Variants in XKR9 observed in about 807,000 individuals in gnomAD.
XKR9 encodes the protein XK related 9.
Under a neutral mutation model 32.0 loss-of-function variants are expected in XKR9, and 32 were observed. That is an observed-to-expected ratio of 1.00 (90% confidence interval 0.76 to 1.34). XKR9 has a LOEUF of 1.34. Ranked by LOEUF, XKR9 falls within the 40% of genes most tolerant of loss-of-function variation. The pLI is 0.00. For missense variants in XKR9, 546 were observed against 429.7 expected, an observed-to-expected ratio of 1.27 and a Z score of -2.39; for synonymous variants, 168 against 143.4, an observed-to-expected ratio of 1.17 and a Z score of -1.22.
chr8:70,901,340 T>A, the XKR9 span, among the ~76,000 whole-genome samples: 1 of 152,238 alleles, frequency 6.6e-6, no homozygotes, highest in East Asian at 1.9e-4. Flanking sequence ...GACTTTTTAA[T>A]GATCAGCATT....
At chr8:70,685,373 A>C (rs953067639) in intron 3 of XKR9, among the ~76,000 whole-genome samples, 3 of 141,088 alleles carry the variant, frequency 2.1e-5, no homozygotes, top group Non-Finnish European at 3.1e-5. Flanking sequence ...GAGGGATAGC[A>C]TTAGGAGATA....
chr8:70,887,730 G>A, the XKR9 span, among the ~76,000 whole-genome samples: 8 of 151,938 alleles, frequency 5.3e-5, no homozygotes, highest in Non-Finnish European at 1.0e-4. Flanking sequence ...CTGCTTGTCT[G>A]TTTTTGGTGT....
the XKR9 span, among the ~76,000 whole-genome samples, chr8:70,915,584 A>G: frequency 6.6e-6 from 1 of 151,822 alleles, no homozygotes; most frequent in Non-Finnish European, 1.5e-5. Flanking sequence ...ATTCTAGAAG[A>G]TTGATTTTTA....
the XKR9 span, among the ~76,000 whole-genome samples, chr8:70,805,663 G>A: frequency 1.3e-5 from 2 of 152,190 alleles, no homozygotes; most frequent in East Asian, 1.9e-4. Context: ...GCCTCTTCAG[G>A]CGTGACCCTG....
the XKR9 span, among the ~76,000 whole-genome samples, chr8:70,990,995 A>G: frequency 6.6e-6 from 1 of 152,192 alleles, no homozygotes; most frequent in Non-Finnish European, 1.5e-5. Flanking sequence ...TTCCAAGTCC[A>G]TATTGATTTT....
At chr8:70,795,656 C>T in the XKR9 span, among the ~76,000 whole-genome samples, 8 of 152,204 alleles carry the variant, frequency 5.3e-5, no homozygotes, top group East Asian at 1.5e-3. Context: ...TATTTTTTGA[C>T]TTTTTAATAA....
At chr8:71,054,571 C>G in the XKR9 span, among the ~76,000 whole-genome samples, 1 of 152,186 alleles carries the variant, frequency 6.6e-6, no homozygotes, top group Non-Finnish European at 1.5e-5. Context: ...TCAATGCCCC[C>G]AGATGTGTAT....
intron 3 of XKR9, among the ~76,000 whole-genome samples, chr8:70,688,363 A>C (rs1819380464): frequency 6.6e-6 from 1 of 152,232 alleles, no homozygotes; most frequent in Non-Finnish European, 1.5e-5. Context: ...TCACCCATAC[A>C]AACCACAAGG....
At chr8:70,925,952 A>G in the XKR9 span, among the ~76,000 whole-genome samples, 1 of 152,236 alleles carries the variant, frequency 6.6e-6, no homozygotes, top group Non-Finnish European at 1.5e-5. Flanking sequence ...TTTCTTATAC[A>G]TTATAAGTAC....
chr8:70,691,602 A>G (rs1293704816), intron 3 of XKR9, among the ~76,000 whole-genome samples: 1 of 152,202 alleles, frequency 6.6e-6, no homozygotes, highest in Non-Finnish European at 1.5e-5. Context: ...TGGTGTAAGG[A>G]AGAGGTCCAA....
At chr8:70,708,569 G>A (rs547677644) in intron 4 of XKR9, among the ~76,000 whole-genome samples, 1 of 152,182 alleles carries the variant, frequency 6.6e-6, no homozygotes, top group South Asian at 2.1e-4. Context: ...AACGTAGAAT[G>A]TAGGCAAAAC....
the XKR9 span, among the ~76,000 whole-genome samples, chr8:70,882,174 T>C: frequency 6.6e-6 from 1 of 152,100 alleles, no homozygotes; most frequent in Non-Finnish European, 1.5e-5. Flanking sequence ...GATGAGTTGA[T>C]GGGTGCAGCA....
chr8:70,911,128 T>C, the XKR9 span, among the ~76,000 whole-genome samples: 1 of 152,202 alleles, frequency 6.6e-6, no homozygotes, highest in Non-Finnish European at 1.5e-5. Context: ...GTCTGCAGTG[T>C]CTCTTCATAA....
the XKR9 span, among the ~76,000 whole-genome samples, chr8:70,865,079 C>G: frequency 1.3e-5 from 2 of 152,148 alleles, no homozygotes; most frequent in Non-Finnish European, 2.9e-5. Flanking sequence ...CAAAGTGCCT[C>G]TCTCCTCATA....
intron 3 of XKR9, among the ~76,000 whole-genome samples, chr8:70,687,088 T>TC (rs57979737): frequency 0.4 from 61,219 of 151,974 alleles, 13,864 homozygotes; most frequent in Non-Finnish European, 0.52. Flanking sequence ...CCATTAACCA[T>TC]CCCACTTCTG....
chr8:70,807,169 T>G, the XKR9 span, among the ~76,000 whole-genome samples: 1 of 152,144 alleles, frequency 6.6e-6, no homozygotes, highest in Non-Finnish European at 1.5e-5. Flanking sequence ...CCAGTAAGCT[T>G]CATAAGCAAT....
the XKR9 span, among the ~76,000 whole-genome samples, chr8:71,061,905 G>C: frequency 1.3e-5 from 2 of 152,194 alleles, no homozygotes; most frequent in Non-Finnish European, 2.9e-5. Context: ...TATAGTCATC[G>C]CTCTGTGACA....
the XKR9 span, among the ~76,000 whole-genome samples, chr8:70,859,278 T>G: frequency 6.6e-6 from 1 of 152,040 alleles, no homozygotes; most frequent in Non-Finnish European, 1.5e-5. Context: ...ATCAGAGAAA[T>G]GCAATCAAAA....
At chr8:71,035,471 T>C in the XKR9 span, among the ~76,000 whole-genome samples, 1 of 152,224 alleles carries the variant, frequency 6.6e-6, no homozygotes, top group Non-Finnish European at 1.5e-5. Context: ...TTCACTTCCT[T>C]TGGCTAAACA....
Sources: gnomAD v4.1 joint callset for allele counts (sites outside exome capture counted in the v4.1 genomes callset) on GRCh38, gnomAD v4.1.1 for gene constraint, MANE v1.5 for transcripts, NCBI Gene and HGNC (gene_info 2026-07-23, HGNC 2026-07-21) for gene names.